The following DPP10 variants were observed in gnomAD, a reference collection of about 807,000 sequenced individuals.
DPP10 encodes the protein inactive dipeptidyl peptidase 10.
DPP10 carries 33 observed loss-of-function variants against 120.9 expected under a neutral mutation model. The observed-to-expected ratio is 0.27, with a 90% CI of 0.21 to 0.37. The LOEUF is 0.37. DPP10 is among the 10% of genes least tolerant of loss of function. The pLI is 1.00. For synonymous variants in DPP10, 337 were observed against 326.1 expected, an observed-to-expected ratio of 1.03 and a Z score of -0.36; for missense variants, 816 against 942.8, an observed-to-expected ratio of 0.87 and a Z score of 1.76.
At chr2:115,443,460 G>T (rs946154704) in intron 3 of DPP10, among the ~76,000 whole-genome samples, 1 of 152,098 alleles carries the variant, frequency 6.6e-6, no homozygotes, top group Admixed American at 6.5e-5. Context: ...GCCTGTTAAC[G>T]TGAATATGCA....
chr2:115,582,112 C>A (rs1403354625), intron 5 of DPP10, among the ~76,000 whole-genome samples: 1 of 152,080 alleles, frequency 6.6e-6, no homozygotes, highest in African/African-American at 2.4e-5. Context: ...ATCCAAGTGC[C>A]CCATCTGACC....
intron 1 of DPP10, among the ~76,000 whole-genome samples, chr2:114,517,403 C>A (rs973667784): frequency 6.6e-6 from 1 of 151,878 alleles, no homozygotes; most frequent in Non-Finnish European, 1.5e-5. Flanking sequence ...GCCTGTAGTC[C>A]CAGCTACTCG....
intron 3 of DPP10, among the ~76,000 whole-genome samples, chr2:115,478,079 C>T: frequency 6.6e-6 from 1 of 152,144 alleles, no homozygotes; most frequent in East Asian, 1.9e-4. Context: ...GGCACTAAGC[C>T]ATTCATGAGG....
At chr2:115,434,943 ATTAG>A (rs757311409) in intron 3 of DPP10, among the ~76,000 whole-genome samples, 75 of 151,620 alleles carry the variant, frequency 4.9e-4, no homozygotes, top group Non-Finnish European at 6.6e-4. Flanking sequence ...TCCTTATGAG[ATTAG>A]TTAATTTCAC....
chr2:115,158,415 A>C (rs2052063725), intron 1 of DPP10, among the ~76,000 whole-genome samples: 1 of 152,218 alleles, frequency 6.6e-6, no homozygotes, highest in South Asian at 2.1e-4. Context: ...TATGTGAGGA[A>C]GTTTTTGAAT....
intron 1 of DPP10, among the ~76,000 whole-genome samples, chr2:114,810,874 A>C (rs1685115685): frequency 6.6e-6 from 1 of 152,204 alleles, no homozygotes; most frequent in South Asian, 2.1e-4. Flanking sequence ...TTATTTATCA[A>C]TGAAACTAGC....
chr2:115,291,963 C>G (rs2060675010), intron 1 of DPP10, among the ~76,000 whole-genome samples: 1 of 152,148 alleles, frequency 6.6e-6, no homozygotes, highest in Non-Finnish European at 1.5e-5. Context: ...CAGAGAAACC[C>G]AGAACTGGAA....
chr2:115,367,881 C>T (rs1040243331), intron 3 of DPP10, among the ~76,000 whole-genome samples: 2 of 151,770 alleles, frequency 1.3e-5, no homozygotes, highest in Admixed American at 6.6e-5. Context: ...AAAAAATACT[C>T]ATTATTCTAG....
At chr2:115,256,149 G>A (rs1040936954) in intron 1 of DPP10, among the ~76,000 whole-genome samples, 5 of 152,152 alleles carry the variant, frequency 3.3e-5, no homozygotes, top group Admixed American at 6.5e-5. Context: ...GAGGCCTCAG[G>A]AAACTTACAA....
At chr2:115,418,211 T>C (rs1050440182) in intron 3 of DPP10, among the ~76,000 whole-genome samples, 5 of 152,128 alleles carry the variant, frequency 3.3e-5, no homozygotes, top group African/African-American at 4.8e-5. Flanking sequence ...TGTCATTGTT[T>C]TTGGTCTGGC....
chr2:114,505,438 C>T (rs1191830813), intron 1 of DPP10, among the ~76,000 whole-genome samples: 1 of 151,356 alleles, frequency 6.6e-6, no homozygotes, highest in Non-Finnish European at 1.5e-5. Context: ...AGGGAGAGCA[C>T]CTTTCTCAAA....
At chr2:115,813,680 C>T (rs1440714091) in intron 19 of DPP10, among the ~76,000 whole-genome samples, 1 of 152,192 alleles carries the variant, frequency 6.6e-6, no homozygotes. Flanking sequence ...CAGGATTCCA[C>T]ACAACCCCTG....
intron 1 of DPP10, among the ~76,000 whole-genome samples, chr2:114,905,227 A>G (rs1693868705): frequency 1.4e-5 from 2 of 146,696 alleles, no homozygotes; most frequent in African/African-American, 5.1e-5. Context: ...ACTACCTGAG[A>G]TTTTGTAGGA....
chr2:114,585,271 C>T (rs1690858304), intron 1 of DPP10, among the ~76,000 whole-genome samples: 2 of 152,136 alleles, frequency 1.3e-5, no homozygotes, highest in African/African-American at 4.8e-5. Flanking sequence ...CAGTTCCTTA[C>T]TGACTCTCAG....
chr2:115,278,785 C>T (rs1258039342), intron 1 of DPP10, among the ~76,000 whole-genome samples: 1 of 152,078 alleles, frequency 6.6e-6, no homozygotes, highest in Non-Finnish European at 1.5e-5. Context: ...AAAACACCTC[C>T]CACTAGGCCC....
At chr2:114,497,364 T>TAC (rs1459924525) in intron 1 of DPP10, among the ~76,000 whole-genome samples, 24 of 140,048 alleles carry the variant, frequency 1.7e-4, no homozygotes, top group African/African-American at 6.4e-4. Flanking sequence ...TACATATACA[T>TAC]ACACATGTAC....
At chr2:114,923,475 T>C (rs1434794970) in intron 1 of DPP10, among the ~76,000 whole-genome samples, 1 of 68,306 alleles carries the variant, frequency 1.5e-5, no homozygotes, top group Non-Finnish European at 2.8e-5. Flanking sequence ...TTTTTTCCTT[T>C]TTTTTTTTTT....
At chr2:114,636,450 G>A (rs1163688913) in intron 1 of DPP10, among the ~76,000 whole-genome samples, 1 of 151,958 alleles carries the variant, frequency 6.6e-6, no homozygotes, top group East Asian at 1.9e-4. Context: ...GACACTAGCA[G>A]TTCTACCCAA....
At chr2:115,375,343 C>T (rs973704226) in intron 3 of DPP10, among the ~76,000 whole-genome samples, 1 of 152,164 alleles carries the variant, frequency 6.6e-6, no homozygotes, top group African/African-American at 2.4e-5. Flanking sequence ...CAAGAGTGAC[C>T]TTTGCTCCAG....
Sources: gnomAD v4.1 joint callset for allele counts (sites outside exome capture counted in the v4.1 genomes callset) on GRCh38, gnomAD v4.1.1 for gene constraint, MANE v1.5 for transcripts, NCBI Gene and HGNC (gene_info 2026-07-23, HGNC 2026-07-21) for gene names.